The following SGCZ variants were observed in gnomAD, a reference collection of about 807,000 sequenced individuals.
SGCZ encodes the protein sarcoglycan zeta.
In SGCZ, 40 loss-of-function variants were observed where a neutral mutation model predicts 41.3. The observed-to-expected ratio is 0.97, with a 90% CI of 0.75 to 1.26. SGCZ has a LOEUF of 1.26. Among genes scored for constraint, SGCZ ranks in the 50% most tolerant of loss-of-function variants. The pLI is 0.00. For synonymous variants in SGCZ, 206 were observed against 137.5 expected (o/e 1.50, Z -3.49); for missense variants, 552 against 369.8 (o/e 1.49, Z -4.04).
intron 1 of SGCZ, among the ~76,000 whole-genome samples, chr8:14,914,019 T>G (rs987044765): frequency 7.2e-5 from 11 of 152,214 alleles, no homozygotes; most frequent in African/African-American, 2.6e-4. Context: ...ATTCACATTC[T>G]TAATAGTCAG....
At chr8:14,412,720 A>G (rs1799393738) in intron 2 of SGCZ, among the ~76,000 whole-genome samples, 1 of 152,052 alleles carries the variant, frequency 6.6e-6, no homozygotes, top group African/African-American at 2.4e-5. Flanking sequence ...AATGTATTCA[A>G]TATGCACAAT....
At chr8:14,231,220 A>G (rs1279187674) in intron 4 of SGCZ, among the ~76,000 whole-genome samples, 1 of 136,398 alleles carries the variant, frequency 7.3e-6, no homozygotes, top group Admixed American at 8.0e-5. Context: ...AGGGGGAAAG[A>G]GAGAGAGAGA....
At chr8:14,302,938 A>C (rs1230199409) in intron 3 of SGCZ, among the ~76,000 whole-genome samples, 3 of 152,096 alleles carry the variant, frequency 2.0e-5, no homozygotes, top group Admixed American at 6.6e-5. Flanking sequence ...CATGACCCCA[A>C]ACTTTCTTTC....
At chr8:15,153,096 T>G (rs187139259) in intron 1 of SGCZ, among the ~76,000 whole-genome samples, 11 of 152,328 alleles carry the variant, frequency 7.2e-5, no homozygotes, top group Admixed American at 2.0e-4. Flanking sequence ...GAAAATCATT[T>G]GAGAGACTAC....
intron 1 of SGCZ, among the ~76,000 whole-genome samples, chr8:14,691,448 G>A (rs538060995): frequency 7.9e-5 from 12 of 152,144 alleles, no homozygotes; most frequent in South Asian, 2.1e-4. Flanking sequence ...ATGACCTAGC[G>A]TGGGTATTTG....
At chr8:14,376,566 G>C (rs1236817540) in intron 2 of SGCZ, among the ~76,000 whole-genome samples, 1 of 152,022 alleles carries the variant, frequency 6.6e-6, no homozygotes, top group African/African-American at 2.4e-5. Flanking sequence ...GACCCAGATG[G>C]TTTTTCAAAG....
chr8:15,008,286 G>C (rs1219180147), intron 1 of SGCZ, among the ~76,000 whole-genome samples: 1 of 151,914 alleles, frequency 6.6e-6, no homozygotes, highest in Non-Finnish European at 1.5e-5. Flanking sequence ...TTTGCCAAAT[G>C]AGTCCATTAA....
chr8:15,075,136 T>TAAG (rs767635219), intron 1 of SGCZ, among the ~76,000 whole-genome samples: 23,192 of 152,032 alleles, frequency 0.15, 1,945 homozygotes, highest in Middle Eastern at 0.24. Flanking sequence ...TAAACATCTT[T>TAAG]CTTTATATAT....
intron 1 of SGCZ, among the ~76,000 whole-genome samples, chr8:15,055,838 G>A (rs539367626): frequency 5.3e-5 from 8 of 152,276 alleles, no homozygotes; most frequent in African/African-American, 1.9e-4. Flanking sequence ...TGATAACTTG[G>A]ATGTGCCTCC....
At chr8:14,222,791 G>A (rs892083115) in intron 4 of SGCZ, among the ~76,000 whole-genome samples, 1 of 101,786 alleles carries the variant, frequency 9.8e-6, no homozygotes, top group African/African-American at 4.0e-5. Context: ...CAGTCACAGT[G>A]ATTTTTTTTT....
intron 1 of SGCZ, among the ~76,000 whole-genome samples, chr8:14,750,664 A>T (rs540966668): frequency 1.3e-5 from 2 of 152,192 alleles, no homozygotes; most frequent in Non-Finnish European, 2.9e-5. Context: ...AGACATTATG[A>T]TACAAAATGA....
At chr8:15,123,182 C>A (rs1807552609) in intron 1 of SGCZ, among the ~76,000 whole-genome samples, 1 of 152,118 alleles carries the variant, frequency 6.6e-6, no homozygotes, top group South Asian at 2.1e-4. Flanking sequence ...AAGATATTTT[C>A]TAGCTTTATG....
At chr8:14,435,611 T>C (rs1800068076) in intron 2 of SGCZ, among the ~76,000 whole-genome samples, 1 of 152,206 alleles carries the variant, frequency 6.6e-6, no homozygotes, top group Admixed American at 6.5e-5. Flanking sequence ...ATATCTACAA[T>C]ACTATAATAT....
intron 2 of SGCZ, among the ~76,000 whole-genome samples, chr8:14,407,156 C>T (rs889898121): frequency 1.3e-5 from 2 of 149,650 alleles, no homozygotes; most frequent in African/African-American, 5.0e-5. Flanking sequence ...GCAACTTCCA[C>T]CTCCTGGGTT....
chr8:14,146,953 C>G (rs1803545052), intron 5 of SGCZ, among the ~76,000 whole-genome samples: 1 of 125,688 alleles, frequency 8.0e-6, no homozygotes, highest in East Asian at 2.1e-4. Flanking sequence ...AAGGAATAAA[C>G]AGAAAAAAAA....
intron 1 of SGCZ, among the ~76,000 whole-genome samples, chr8:14,826,992 G>C (rs1246050392): frequency 6.6e-6 from 1 of 151,958 alleles, no homozygotes; most frequent in Admixed American, 6.6e-5. Context: ...TGGTGTTTTA[G>C]ACATGAAGTC....
At chr8:14,174,669 C>T (rs533753500) in intron 4 of SGCZ, among the ~76,000 whole-genome samples, 60 of 152,018 alleles carry the variant, frequency 3.9e-4, no homozygotes, top group Non-Finnish European at 7.7e-4. Context: ...AATATTTAAC[C>T]TAATACTGAC....
intron 1 of SGCZ, among the ~76,000 whole-genome samples, chr8:15,007,602 G>A (rs550731053): frequency 1.1e-4 from 16 of 152,280 alleles, no homozygotes; most frequent in African/African-American, 3.6e-4. Flanking sequence ...TCATGTTCCT[G>A]ATATATTTTA....
intron 1 of SGCZ, among the ~76,000 whole-genome samples, chr8:15,157,788 C>G (rs907283405): frequency 1.3e-5 from 2 of 152,162 alleles, no homozygotes; most frequent in African/African-American, 2.4e-5. Flanking sequence ...CCTCCACTAG[C>G]TGAACTATGC....
Sources: gnomAD v4.1 joint callset for allele counts (sites outside exome capture counted in the v4.1 genomes callset) on GRCh38, gnomAD v4.1.1 for gene constraint, MANE v1.5 for transcripts, NCBI Gene and HGNC (gene_info 2026-07-23, HGNC 2026-07-21) for gene names.